ARMH4: variants seen among roughly 807,000 people sequenced by gnomAD.
The protein encoded by ARMH4 is armadillo like helical domain containing 4.
ARMH4 carries 49 observed loss-of-function variants against 61.9 expected under a neutral mutation model. The observed-to-expected ratio is 0.79, with a 90% CI of 0.63 to 1.00. ARMH4 has a LOEUF of 1.00. Ranked by LOEUF, ARMH4 falls within the 50% of genes least tolerant of loss-of-function variation. The probability of loss-of-function intolerance (pLI) is 0.00; values close to 1 mark genes in which losing one functional copy is unlikely to be tolerated. For synonymous variants in ARMH4, 368 were observed against 341.5 expected (o/e 1.08, Z -0.85); for missense variants, 934 against 930.0 (o/e 1.00, Z -0.06).
At chr14:58,150,951 C>G (rs1253011944) in intron 1 of ARMH4, among the ~76,000 whole-genome samples, 1 of 152,292 alleles carries the variant, frequency 6.6e-6, no homozygotes, top group East Asian at 1.9e-4. Flanking sequence ...TGGAGCCCAA[C>G]AGCATCACTT....
At chr14:58,133,480 A>C (rs1203001929) in intron 2 of ARMH4, 139 bp from the exon 3 acceptor site, 2 of 757,166 alleles carry the variant, frequency 2.6e-6, no homozygotes, top group Non-Finnish European at 4.2e-6. Context: ...AGAACTCAGA[A>C]GTAAAATGAC....
chr14:58,081,195 C>T (rs571685761), intron 5 of ARMH4, among the ~76,000 whole-genome samples: 14 of 152,244 alleles, frequency 9.2e-5, no homozygotes, highest in African/African-American at 3.1e-4. Flanking sequence ...ATCCTCTGGC[C>T]CCTTGCCCCT....
At chr14:58,095,792 A>G (rs985367480) in intron 5 of ARMH4, among the ~76,000 whole-genome samples, 6 of 152,250 alleles carry the variant, frequency 3.9e-5, no homozygotes, top group African/African-American at 1.4e-4. Flanking sequence ...CAAGTTTTCA[A>G]TGACATATCC....
chr14:58,032,976 G>T (rs936065087), intron 5 of ARMH4, among the ~76,000 whole-genome samples: 1 of 145,426 alleles, frequency 6.9e-6, no homozygotes, highest in Non-Finnish European at 1.5e-5. Flanking sequence ...GGCTGGGGGA[G>T]GGGCGCCCGC....
In ARMH4 at chr14:58,138,224, C is replaced by T. The variant is rs748675908; in HGVS notation, c.1135G>A (p.Ala379Thr). 4 of 1,614,104 alleles carry T rather than the reference C, an allele frequency of 2.5e-6. No individual in the cohort carries two copies. In the African/African-American group the frequency reaches 4.0e-5, roughly 16 times the overall value. Residue 379 changes from alanine to threonine, a missense_variant, in exon 2 of 8, where the codon GCC becomes ACC. Coordinates refer to ENST00000267485, the MANE Select transcript of ARMH4 (RefSeq NM_001001872.4). ...LPEGETHTGT[A>T]LLIAHGNERS... ...TCATTCCCATGCGCTATTAGCAGGG[C>T]TGTGCCCGTGTGTGTTTCCCCTTCA...
intron 4 of ARMH4, among the ~76,000 whole-genome samples, chr14:58,107,720 C>T (rs1208219122): frequency 3.5e-5 from 5 of 144,632 alleles, no homozygotes; most frequent in Admixed American, 7.2e-5. Flanking sequence ...GCTGAGATTA[C>T]GCCATTGCAC....
chr14:58,137,470 T>C (rs1887344096), intron 2 of ARMH4, among the ~76,000 whole-genome samples: 1 of 150,868 alleles, frequency 6.6e-6, no homozygotes, highest in Non-Finnish European at 1.5e-5. Context: ...CAATCTTGGC[T>C]CACTGCAACC....
At chr14:58,014,634 T>G (rs533230374) in intron 5 of ARMH4, among the ~76,000 whole-genome samples, 27 of 152,302 alleles carry the variant, frequency 1.8e-4, no homozygotes, top group African/African-American at 6.0e-4. Flanking sequence ...AGAAGCAAGA[T>G]AATGTTTCCA....
At chr14:58,048,523 C>G (rs530382357) in intron 5 of ARMH4, among the ~76,000 whole-genome samples, 1 of 152,188 alleles carries the variant, frequency 6.6e-6, no homozygotes, top group Non-Finnish European at 1.5e-5. Flanking sequence ...CTTTCTCCAG[C>G]CCTTCAAATT....
chr14:58,093,343 A>G (rs1885636814), intron 5 of ARMH4, among the ~76,000 whole-genome samples: 1 of 151,996 alleles, frequency 6.6e-6, no homozygotes, highest in Non-Finnish European at 1.5e-5. Context: ...ACAGGCACAT[A>G]CCACCCTCAG....
In ARMH4 at chr14:58,128,693, C is replaced by T. The variant is rs373177297; in HGVS notation, c.1831+2819G>A. The stretch of plus-strand genomic sequence containing the variant: ...AGAAAAGGAAAACACACCAAAACTT[C>T]TCCCACTCTACCAATTCACATCACT... On this transcript the variant is annotated intron_variant, in intron 4 of 7. Transcript: ENST00000267485. Among the ~76,000 whole-genome samples, 16 of 152,334 alleles carry T rather than the reference C, an allele frequency of 1.1e-4. No homozygotes were observed. In the East Asian group the frequency reaches 3.1e-3, roughly 29 times the overall value.
At chr14:58,086,566 A>AC (rs1038683606) in intron 5 of ARMH4, among the ~76,000 whole-genome samples, 3 of 151,276 alleles carry the variant, frequency 2.0e-5, no homozygotes, top group Admixed American at 6.6e-5. Flanking sequence ...ACCTTGCCCC[A>AC]CCCCCCACAT....
intron 5 of ARMH4, among the ~76,000 whole-genome samples, chr14:58,019,328 T>G (rs1331475404): frequency 1.3e-5 from 2 of 152,220 alleles, no homozygotes; most frequent in Admixed American, 1.3e-4. Context: ...TTCTACAATG[T>G]ATACATATTT....
rs80018684 is a variant in ARMH4, at chr14:58,101,875, G to T, written c.1832-4894C>A. On this transcript the variant is annotated intron_variant, in intron 4 of 7. Coordinates refer to ENST00000267485, the MANE Select transcript of ARMH4 (RefSeq NM_001001872.4). ...CGTTAAAGATATTCCTCACAAAGAA[G>T]AAGTCTGTTCTTTAATTTCACAAAT... Among the ~76,000 whole-genome samples the T allele has an allele frequency of 1.2e-3, 190 of 152,298 alleles. 3 individuals are homozygous for T. Among genetic ancestry groups the T allele is most frequent in the African/African-American group, 4.3e-3 (180 of 41,566 alleles).
At chr14:58,027,684 A>C (rs1239814276) in intron 5 of ARMH4, among the ~76,000 whole-genome samples, 1 of 152,160 alleles carries the variant, frequency 6.6e-6, no homozygotes, top group Non-Finnish European at 1.5e-5. Context: ...TCTATCCACT[A>C]AGACAGTAGA....
rs1886291091 is a variant in ARMH4 at position 58,109,855 on chromosome 14, T to C, written c.1832-12874A>G. ...AGGAGATTTAATTGACTCACAGTAC[T>C]GCATGGCTGGAGAGGCCTCAGGAAA... On this transcript the variant is annotated intron_variant, in intron 4 of 7. Transcript: ENST00000267485. Among the ~76,000 whole-genome samples the C allele has an allele frequency of 3.3e-5, 5 of 152,184 alleles. No homozygotes were observed. The South Asian group carries it at 1.0e-3, about 32-fold the overall frequency.
chr14:58,144,410 AG>A (rs1887665070), intron 1 of ARMH4, among the ~76,000 whole-genome samples: 3 of 152,080 alleles, frequency 2.0e-5, no homozygotes, highest in Admixed American at 1.3e-4. Context: ...AAAATGAGCC[AG>A]GCACACACCA....
At chr14:58,025,284 A>G (rs28668620) in intron 5 of ARMH4, among the ~76,000 whole-genome samples, 45,059 of 152,018 alleles carry the variant, frequency 0.3, 6,903 homozygotes, top group African/African-American at 0.34. Context: ...AGAATTTCAG[A>G]CTACTTGAAT....
rs188065868 is a variant in ARMH4 at position 58,028,209 on chromosome 14, T to A, written c.2090-16059A>T. On this transcript the variant is annotated intron_variant, in intron 5 of 7. Transcript: ENST00000267485. ...TTACTTTCCCTCCTGCTGGAACATTTGTTTCCTTGTGTGATCTGTAATTTT... is the reference window on the plus strand; with the variant it reads ...TTACTTTCCCTCCTGCTGGAACATTAGTTTCCTTGTGTGATCTGTAATTTT... Among the ~76,000 whole-genome samples the A allele has an allele frequency of 4.6e-5, 7 of 152,352 alleles. No individual in the cohort carries two copies. The East Asian group carries it at 1.2e-3, about 25-fold the overall frequency.
Sources: allele counts gnomAD v4.1 joint callset (sites outside exome capture counted in the v4.1 genomes callset), GRCh38; gene constraint gnomAD v4.1.1; transcripts MANE v1.5; gene names NCBI Gene and HGNC (gene_info 2026-07-23, HGNC 2026-07-21).